Variants in NLRP5 observed in about 807,000 individuals in gnomAD.
NLRP5 encodes NACHT, LRR and PYD domains-containing protein 5.
A neutral mutation model predicts 113.1 loss-of-function variants in NLRP5; 93 were observed. That is an observed-to-expected ratio of 0.82 (90% confidence interval 0.70 to 0.98). The LOEUF (loss-of-function observed/expected upper bound fraction) is 0.98. NLRP5 is among the 50% of genes least tolerant of loss of function. The probability of loss-of-function intolerance (pLI) is 0.00; values close to 1 mark genes in which losing one functional copy is unlikely to be tolerated. For synonymous variants in NLRP5, 751 were observed against 600.7 expected, an observed-to-expected ratio of 1.25 and a Z score of -3.66; for missense variants, 1,808 against 1,514.3, an observed-to-expected ratio of 1.19 and a Z score of -3.22.
chr19:56,058,028 CAAAAAA>C (rs10659776), intron 13 of NLRP5, among the ~76,000 whole-genome samples: 3 of 115,702 alleles, frequency 2.6e-5, no homozygotes, highest in Non-Finnish European at 3.6e-5. Context: ...AATGCTATCT[CAAAAAA>C]AAAAAAAAAA....
chr19:56,033,591 G>C lies in NLRP5; in HGVS notation c.2497G>C (p.Val833Leu), dbSNP rs777556108. The C allele has an allele frequency of 1.2e-6, 2 of 1,613,746 alleles. No homozygotes were observed. Among genetic ancestry groups the C allele is most frequent in the Non-Finnish European group, 1.7e-6 (2 of 1,179,720 alleles). Residue 833 changes from valine to leucine, a missense_variant, in exon 9 of 15, where the codon GTC becomes CTC. Transcript: ENST00000390649. Reference sequence around the variant, plus strand: ...TGGTGTGCAGCACCTCTGGAGAATCGTCATGGCCAACCGTAACCTAAGATC... The same window carrying C: ...TGGTGTGCAGCACCTCTGGAGAATCCTCATGGCCAACCGTAACCTAAGATC...
rs200541204 is a variant in NLRP5 at position 56,027,299 on chromosome 19, A to G, written c.1066A>G (p.Arg356Gly). Residue 356 changes from arginine (R) to glycine (G), a missense_variant, in exon 7 of 15, where the codon AGG becomes GGG. Transcript: ENST00000390649. Reference sequence around the variant, plus strand: ...GACGGAGATCATGTCCCGACCAGAAAGGCTGTTGTTCATCATTGACGGTTT... The same window carrying G: ...GACGGAGATCATGTCCCGACCAGAAGGGCTGTTGTTCATCATTGACGGTTT... 1,443 of 1,612,174 alleles carry G rather than the reference A, an allele frequency of 9.0e-4. 1 individual carries two copies. The highest frequency in any genetic ancestry group is 3.6e-3 in the Middle Eastern group (22 of 6,062).
At chr19:56,051,814 G>GT (rs1435609226) in intron 12 of NLRP5, among the ~76,000 whole-genome samples, 2 of 152,130 alleles carry the variant, frequency 1.3e-5, no homozygotes, top group African/African-American at 4.8e-5. Flanking sequence ...TGTATGCTTG[G>GT]TAGCATTTGC....
chr19:56,007,868 T>TG (rs1981984247), intron 2 of NLRP5, among the ~76,000 whole-genome samples: 5 of 101,534 alleles, frequency 4.9e-5, no homozygotes, highest in African/African-American at 1.5e-4. Context: ...TACAAGACAG[T>TG]TTGTGTGTGT....
At chr19:55,989,130 T>A in the NLRP5 span, among the ~76,000 whole-genome samples, 1 of 152,200 alleles carries the variant, frequency 6.6e-6, no homozygotes, top group African/African-American at 2.4e-5. Flanking sequence ...GTGTACCTAG[T>A]TTTTTGGTCT....
At chr19:56,002,587 G>A (rs1981698009) in intron 1 of NLRP5, among the ~76,000 whole-genome samples, 1 of 150,696 alleles carries the variant, frequency 6.6e-6, no homozygotes, top group Non-Finnish European at 1.5e-5. Context: ...TTAGCATTAG[G>A]TATATCTCCT....
intron 3 of NLRP5, among the ~76,000 whole-genome samples, chr19:56,011,836 C>T (rs7246639): frequency 0.37 from 56,605 of 151,240 alleles, 10,771 homozygotes; most frequent in Admixed American, 0.41. Flanking sequence ...GGATTACACA[C>T]GCGCGCCACC....
chr19:56,028,581 GACTTCCAGGA>G, intron 7 of NLRP5, 72 bp downstream of exon 7: 5 of 1,396,408 alleles, frequency 3.6e-6, no homozygotes, highest in Non-Finnish European at 4.9e-6. Context: ...GACTTGACAT[GACTTCCAGGA>G]ACTTCAAGGT....
rs200446614 is a variant in NLRP5, at chr19:56,032,687, C to T, written c.2353C>T (p.Gln785Ter). ...GCTTGGCACCCACCCACACCTGCGGCAGCTGGACCTGGGCAGCAGCATCCT... is the reference window on the plus strand; with the variant it reads ...GCTTGGCACCCACCCACACCTGCGGTAGCTGGACCTGGGCAGCAGCATCCT... The change falls in exon 8 of 15, where the codon CAG (glutamine) becomes TAG (stop). Residue 785 changes from glutamine (Q) to a stop codon, truncating the protein, a stop_gained. Coordinates refer to ENST00000390649, the MANE Select transcript of NLRP5 (RefSeq NM_153447.4). LOFTEE classifies it high-confidence loss of function. 1.5e-4 allele frequency: 235 copies of T among 1,613,578 alleles called. No homozygotes were observed. Among genetic ancestry groups the T allele is most frequent in the Non-Finnish European group, 1.9e-4 (226 of 1,179,810 alleles).
intron 2 of NLRP5, among the ~76,000 whole-genome samples, chr19:56,007,927 G>GTGTGTGTGTGTT (rs1357559567): frequency 2.0e-5 from 2 of 99,884 alleles, no homozygotes; most frequent in African/African-American, 7.6e-5. Flanking sequence ...GTGTGTGTGT[G>GTGTGTGTGTGTT]TGTGTGTTTG....
the NLRP5 span, chr19:55,988,077 G>A: frequency 4.5e-5 from 27 of 600,888 alleles, no homozygotes; most frequent in Non-Finnish European, 7.3e-5. Context: ...GAGTGAGGAC[G>A]GTGATGCCCT....
At chr19:56,009,358 A>AAAAAAAAAG (rs1271381720) in intron 3 of NLRP5, among the ~76,000 whole-genome samples, 1 of 149,972 alleles carries the variant, frequency 6.7e-6, no homozygotes, top group Non-Finnish European at 1.5e-5. Context: ...AAAAAAAAAA[A>AAAAAAAAAG]AGAGTTCTGT....
rs60128070 is a variant in NLRP5 at position 56,012,448 on chromosome 19, C to CTT, written c.509-3278_509-3277dup. ...CAGGCATGAGCCACTGCGCCTTGGC[C>CTT]TTTTTTTTTTTTTTTTTCCGGATAA... On this transcript the variant is annotated intron_variant, in intron 3 of 14. Transcript: ENST00000390649. Among the ~76,000 whole-genome samples the CTT allele has an allele frequency of 1.0e-3, 139 of 136,110 alleles. 1 individual carries two copies. The highest frequency in any genetic ancestry group is 3.2e-3 in the African/African-American group (118 of 37,090). 89.3% of individuals were successfully genotyped at this position (136,110 alleles called of 152,430 possible).
chr19:56,027,886 C>A lies in NLRP5; in HGVS notation c.1653C>A (p.Leu551=). ...AGTCAGTGTTTGACGGTGACGACCT[C>A]ATGGTTCAAGGACTCGGGGAGTCTG... Residue 551 remains leucine (L), a synonymous_variant, in exon 7 of 15, where the codon CTC becomes CTA. Transcript: ENST00000390649. 1 of 1,613,934 alleles carries A rather than the reference C, an allele frequency of 6.2e-7. No homozygotes were observed. The highest frequency in any genetic ancestry group is 8.5e-7 in the Non-Finnish European group (1 of 1,179,852).
At chr19:56,016,563 G>A (rs1360275406) in intron 4 of NLRP5, among the ~76,000 whole-genome samples, 2 of 152,176 alleles carry the variant, frequency 1.3e-5, no homozygotes, top group Non-Finnish European at 2.9e-5. Flanking sequence ...TTGTCTAGCT[G>A]TAAGTTTGTA....
At chr19:56,024,882 C>A (rs1290237348) in intron 6 of NLRP5, among the ~76,000 whole-genome samples, 1 of 152,132 alleles carries the variant, frequency 6.6e-6, no homozygotes, top group Non-Finnish European at 1.5e-5. Flanking sequence ...TCTTAGGAAC[C>A]AGGCAGTATA....
In NLRP5 at chr19:56,032,672, C is replaced by T. The variant is rs761383828; in HGVS notation, c.2338C>T (p.His780Tyr). The T allele has an allele frequency of 1.2e-6, 2 of 1,613,788 alleles. No individual in the cohort carries two copies. Among genetic ancestry groups the T allele is most frequent in the South Asian group, 1.1e-5 (1 of 91,050 alleles). The change falls in exon 8 of 15, where the codon CAC becomes TAC. Residue 780 changes from histidine to tyrosine, a missense_variant. Coordinates refer to ENST00000390649, the MANE Select transcript of NLRP5 (RefSeq NM_153447.4). ...AGATTTCTGCTCCATGCTTGGCACC[C>T]ACCCACACCTGCGGCAGCTGGACCT... is the stretch of plus-strand genomic sequence containing the variant.
chr19:55,987,853 A>T, the NLRP5 span: 19 of 1,613,986 alleles, frequency 1.2e-5, no homozygotes, highest in Non-Finnish European at 1.4e-5. Context: ...GCTTCTCCCC[A>T]ACTCCTCACC....
upstream of NLRP5, among the ~76,000 whole-genome samples, chr19:55,995,656 T>C (rs185934667): frequency 2.6e-5 from 4 of 152,320 alleles, no homozygotes; most frequent in African/African-American, 9.6e-5. Flanking sequence ...AGGGATTGCA[T>C]TGAATCTGTA....
Sources: gnomAD v4.1 joint callset for allele counts (sites outside exome capture counted in the v4.1 genomes callset) on GRCh38, gnomAD v4.1.1 for gene constraint, MANE v1.5 for transcripts, NCBI Gene and HGNC (gene_info 2026-07-23, HGNC 2026-07-21) for gene names.